The following TAF15 variants were observed in gnomAD, a reference collection of about 807,000 sequenced individuals.
TAF15 encodes TATA-box binding protein associated factor 15, also known as TATA-binding protein-associated factor 2N.
A neutral mutation model predicts 102.5 loss-of-function variants in TAF15; 37 were observed. The observed-to-expected ratio is 0.36, with a 90% CI of 0.28 to 0.47. The LOEUF (loss-of-function observed/expected upper bound fraction) is 0.47, where lower values mean the gene tolerates loss of function less well. TAF15 is among the 20% of genes least tolerant of loss of function. TAF15 has a pLI of 0.99. For synonymous variants in TAF15, 273 were observed against 259.2 expected (o/e 1.05, Z -0.51); for missense variants, 652 against 760.7 (o/e 0.86, Z 1.68).
At chr17:35,835,669 G>T (rs542160076) in intron 9 of TAF15, among the ~76,000 whole-genome samples, 9 of 152,322 alleles carry the variant, frequency 5.9e-5, no homozygotes, top group Non-Finnish European at 1.0e-4. Context: ...AAAGCTTATT[G>T]CAATGAATGG....
At chr17:35,813,367 C>A (rs1476795963) in intron 1 of TAF15, among the ~76,000 whole-genome samples, 3 of 152,094 alleles carry the variant, frequency 2.0e-5, no homozygotes, top group Non-Finnish European at 4.4e-5. Flanking sequence ...GGCATGGTGG[C>A]TCATGCCTAT....
At chr17:35,826,249 T>TG (rs1429906579) in intron 7 of TAF15, among the ~76,000 whole-genome samples, 1 of 152,042 alleles carries the variant, frequency 6.6e-6, no homozygotes, top group Non-Finnish European at 1.5e-5. Context: ...CTGGTTTCAG[T>TG]GGGGGAAAGG....
At chr17:35,829,600 C>G (rs2087374618) in intron 7 of TAF15, among the ~76,000 whole-genome samples, 1 of 122,376 alleles carries the variant, frequency 8.2e-6, no homozygotes, top group Non-Finnish European at 1.6e-5. Flanking sequence ...CCACTGTACT[C>G]TGGCCTGGGA....
intron 10 of TAF15, among the ~76,000 whole-genome samples, chr17:35,838,092 A>G (rs1387895156): frequency 6.6e-6 from 1 of 152,100 alleles, no homozygotes; most frequent in Non-Finnish European, 1.5e-5. Flanking sequence ...CTGAGGTGGG[A>G]GGATCACTTA....
intron 7 of TAF15, among the ~76,000 whole-genome samples, chr17:35,826,327 C>T (rs1425160611): frequency 6.8e-6 from 1 of 146,508 alleles, no homozygotes; most frequent in Non-Finnish European, 1.5e-5. Context: ...CATGAAAGGC[C>T]TTTTTTAGAA....
At chr17:35,825,732 A>G (rs920071715) in intron 7 of TAF15, among the ~76,000 whole-genome samples, 3 of 152,120 alleles carry the variant, frequency 2.0e-5, no homozygotes, top group Non-Finnish European at 4.4e-5. Flanking sequence ...GCGGATCACG[A>G]GGTCAGGAGA....
At chr17:35,809,791 C>G in intron 1 of TAF15, 2 of 648,602 alleles carry the variant, frequency 3.1e-6, no homozygotes, top group East Asian at 2.7e-5. Flanking sequence ...CGCCTCGGGC[C>G]TCTTGTCTTT....
intron 7 of TAF15, among the ~76,000 whole-genome samples, chr17:35,828,100 A>G (rs921538517): frequency 3.9e-5 from 6 of 152,200 alleles, no homozygotes; most frequent in African/African-American, 1.4e-4. Context: ...TATGCCATCA[A>G]ATTTAGTAGC....
At chr17:35,819,002 G>A (rs1698003343) in intron 2 of TAF15, among the ~76,000 whole-genome samples, 1 of 152,064 alleles carries the variant, frequency 6.6e-6, no homozygotes. Context: ...TTTTATGTGA[G>A]TGTATATATG....
At chr17:35,846,881 C>T in intron 15 of TAF15, 25 bp from the exon 16 acceptor site, 2 of 1,613,992 alleles carry the variant, frequency 1.2e-6, no homozygotes, top group Non-Finnish European at 1.7e-6. Context: ...AGAATTTAGT[C>T]CGGCTCTTTA....
chr17:35,809,725 T>C (rs2087102195), intron 1 of TAF15, 149 bp downstream of exon 1: 2 of 1,070,938 alleles, frequency 1.9e-6, no homozygotes, highest in Admixed American at 2.1e-5. Flanking sequence ...GCCGCCATGT[T>C]GAACTGGAGG....
At chr17:35,819,975 T>G in intron 2 of TAF15, 49 bp from the exon 3 acceptor site, 2 of 1,572,364 alleles carry the variant, frequency 1.3e-6, no homozygotes, top group Non-Finnish European at 1.7e-6. Flanking sequence ...TCATTTAAAC[T>G]TTAAAATTTC....
chr17:35,842,191 C>G (rs2087556405), intron 11 of TAF15, among the ~76,000 whole-genome samples, 176 bp from the exon 12 acceptor site: 1 of 152,058 alleles, frequency 6.6e-6, no homozygotes, highest in South Asian at 2.1e-4. Flanking sequence ...CAGATATGCT[C>G]TTTTCAGTAG....
chr17:35,810,833 A>G (rs2087116534), intron 1 of TAF15: 3 of 152,310 alleles, frequency 2.0e-5, no homozygotes, highest in South Asian at 4.1e-4. Flanking sequence ...ACTTAGATTA[A>G]TGTTGATATT....
chr17:35,832,624 T>G (rs2143798058), intron 7 of TAF15, among the ~76,000 whole-genome samples: 1 of 152,270 alleles, frequency 6.6e-6, no homozygotes, highest in African/African-American at 2.4e-5. Flanking sequence ...TATTTTAGAT[T>G]AGATTCTTGG....
intron 11 of TAF15, among the ~76,000 whole-genome samples, chr17:35,839,114 A>AAT (rs1555618842): frequency 1.6e-4 from 23 of 144,602 alleles, no homozygotes; most frequent in African/African-American, 5.4e-4. Context: ...CAAAAAAAAA[A>AAT]TTTTTTTTTT....
intron 1 of TAF15, among the ~76,000 whole-genome samples, chr17:35,816,013 G>A (rs910558856): frequency 6.6e-6 from 1 of 152,042 alleles, no homozygotes; most frequent in African/African-American, 2.4e-5. Flanking sequence ...TAAAGCTGGA[G>A]TGCAGTGGTG....
intron 1 of TAF15, chr17:35,817,344 C>T (rs1435092478): frequency 5.9e-5 from 14 of 236,890 alleles, no homozygotes; most frequent in African/African-American, 2.5e-4. Context: ...AGATGTAATC[C>T]TGGGGATGTC....
intron 7 of TAF15, among the ~76,000 whole-genome samples, chr17:35,831,951 G>A (rs1011994379): frequency 3.3e-5 from 5 of 152,152 alleles, no homozygotes; most frequent in Admixed American, 2.0e-4. Flanking sequence ...GCGTGGTGGC[G>A]CCTGCAGTCC....
Sources: allele counts gnomAD v4.1 joint callset (sites outside exome capture counted in the v4.1 genomes callset), GRCh38; gene constraint gnomAD v4.1.1; transcripts MANE v1.5; gene names NCBI Gene and HGNC (gene_info 2026-07-23, HGNC 2026-07-21).